The following ALDH1L2 variants were observed in gnomAD, a reference collection of about 807,000 sequenced individuals.
ALDH1L2 encodes the protein mitochondrial 10-formyltetrahydrofolate dehydrogenase.
ALDH1L2 carries 91 observed loss-of-function variants against 111.0 expected under a neutral mutation model. That is an observed-to-expected ratio of 0.82 (90% CI 0.69 to 0.98). The LOEUF (loss-of-function observed/expected upper bound fraction) is 0.98. ALDH1L2 is among the 50% of genes least tolerant of loss of function. ALDH1L2 has a pLI of 0.00. For missense variants in ALDH1L2, 995 were observed against 1,126.8 expected, an observed-to-expected ratio of 0.88 and a Z score of 1.67; for synonymous variants, 374 against 392.6, an observed-to-expected ratio of 0.95 and a Z score of 0.56.
chr12:105,059,199 G>A (rs974683198), intron 9 of ALDH1L2, among the ~76,000 whole-genome samples: 2 of 151,710 alleles, frequency 1.3e-5, no homozygotes, highest in African/African-American at 2.4e-5. Flanking sequence ...CCTGGGAGAC[G>A]GAGGTTGCAG....
At chr12:105,074,587 C>A (rs971965610) in intron 1 of ALDH1L2, among the ~76,000 whole-genome samples, 5 of 151,964 alleles carry the variant, frequency 3.3e-5, no homozygotes, top group Non-Finnish European at 7.3e-5. Flanking sequence ...ACTTTACATT[C>A]TTCCATGTTA....
chr12:105,075,697 A>G (rs1878016062), intron 1 of ALDH1L2, among the ~76,000 whole-genome samples: 1 of 152,248 alleles, frequency 6.6e-6, no homozygotes, highest in Non-Finnish European at 1.5e-5. Flanking sequence ...GTGAGTTTCT[A>G]ACACTGAGAA....
chr12:105,038,307 C>T (rs1334573015), intron 17 of ALDH1L2, 105 bp from the exon 18 acceptor site: 2 of 665,182 alleles, frequency 3.0e-6, no homozygotes, highest in African/African-American at 1.8e-5. Context: ...CACACACACA[C>T]ACACACACAC....
chr12:105,027,747 T>A (rs1592761085), intron 21 of ALDH1L2, among the ~76,000 whole-genome samples: 1 of 152,220 alleles, frequency 6.6e-6, no homozygotes, highest in Admixed American at 6.5e-5. Context: ...AACTATATAG[T>A]GCTGACTTAA....
At position 105,030,408 on chromosome 12, in the gene ALDH1L2, A is replaced by G. The variant is rs1874636864; in HGVS notation, c.2432T>C (p.Val811Ala). The G allele has an allele frequency of 1.2e-6, 2 of 1,609,698 alleles. No homozygotes were observed. Among genetic ancestry groups the G allele is most frequent in the East Asian group, 4.5e-5 (2 of 44,764 alleles). ...QRPGFFMEPT[V>A]FTDVEDYMYL... ...CATGTAGTCTTCCACATCTGTGAAC[A>G]CGGTCGGCTCCATGAAAAAGCCTTT... Residue 811 changes from valine (V) to alanine (A), a missense_variant, in exon 21 of 23, where the codon GTG (valine) becomes GCG (alanine). Coordinates refer to ENST00000258494, the MANE Select transcript of ALDH1L2 (RefSeq NM_001034173.4).
chr12:105,072,090 A>G (rs1338407046), intron 2 of ALDH1L2, among the ~76,000 whole-genome samples: 3 of 150,162 alleles, frequency 2.0e-5, no homozygotes, highest in Middle Eastern at 3.5e-3. Context: ...TTTCTCTAAA[A>G]AAATGTGTTT....
At chr12:105,079,599 C>T (rs183605906) in intron 1 of ALDH1L2, among the ~76,000 whole-genome samples, 3 of 152,024 alleles carry the variant, frequency 2.0e-5, no homozygotes, top group Non-Finnish European at 4.4e-5. Flanking sequence ...CCAAAGGGCT[C>T]GAGTCCAGAA....
intron 15 of ALDH1L2, among the ~76,000 whole-genome samples, chr12:105,042,322 TAGAG>T (rs750398607): frequency 1.2e-4 from 19 of 152,108 alleles, no homozygotes; most frequent in Non-Finnish European, 2.2e-4. Flanking sequence ...TCCTAAAACA[TAGAG>T]AAAGTAATTT....
In ALDH1L2 at chr12:105,050,071, T is replaced by G. The variant is rs1246988440; in HGVS notation, c.1536-13A>C. ...TAGGTCTGCAAGTCTGTGTGGTCAG[T>G]GAAAGAAATAAATTCAACAAGTATT... On this transcript the variant is annotated splice_polypyrimidine_tract_variant and intron_variant, in intron 12 of 22. Transcript: ENST00000258494. 1 of 1,570,002 alleles carries G rather than the reference T, an allele frequency of 6.4e-7. No homozygotes were observed. Among genetic ancestry groups the G allele is most frequent in the South Asian group, 1.2e-5 (1 of 84,590 alleles).
intron 13 of ALDH1L2, chr12:105,047,723 T>C (rs10861325): frequency 0.36 from 55,083 of 152,046 alleles, 10,193 homozygotes; most frequent in South Asian, 0.5. Context: ...CTTTGCCACA[T>C]AAAATATTAT....
At chr12:105,073,817 AG>A (rs749047658) in intron 2 of ALDH1L2, 43 bp downstream of exon 2, 81 of 1,611,352 alleles carry the variant, frequency 5.0e-5, no homozygotes, top group Non-Finnish European at 6.9e-5. Flanking sequence ...AGCATTGGTA[AG>A]GACCTGAGAA....
Position 105,065,320 on chromosome 12 carries a change from A to G in ALDH1L2, c.733T>C (p.Trp245Arg). The G allele has an allele frequency of 6.2e-7, 1 of 1,611,448 alleles. No homozygotes were observed. The highest frequency in any genetic ancestry group is 8.5e-7 in the Non-Finnish European group (1 of 1,178,076). ...WDQSAEVLHN[W>R]IRGHDKVPGA... is the part of the protein sequence containing the mutation. ...GGGACTTTATCATGACCTCGAATCCAGTTATGTAAAACTTCGGCAGACTGG... is the reference window on the plus strand; with the variant it reads ...GGGACTTTATCATGACCTCGAATCCGGTTATGTAAAACTTCGGCAGACTGG... Residue 245 changes from tryptophan (W) to arginine (R), a missense_variant, in exon 6 of 23, where the codon TGG becomes CGG. By Grantham distance (101) the Trp-to-Arg change is moderately radical. Coordinates refer to ENST00000258494, the MANE Select transcript of ALDH1L2 (RefSeq NM_001034173.4).
rs1875126940 is a variant in ALDH1L2 at position 105,036,513 on chromosome 12, TTTATATATATATATATATATA to T, written c.2145+1569_2145+1589del. Among the ~76,000 whole-genome samples, 16 of 53,846 alleles carry T rather than the reference TTTATATATATATATATATATA, an allele frequency of 3.0e-4. 2 individuals carry two copies. Among genetic ancestry groups the T allele is most frequent in the South Asian group, 2.6e-3 (4 of 1,510 alleles). 35.3% of individuals were successfully genotyped at this position (53,846 alleles called of 152,430 possible). ...TATATTTATATATGTATATATATAT[TTTATATATATATATATATATA>T]TATATATATATATATATATATATAT... is the stretch of plus-strand genomic sequence containing the variant. On this transcript the variant is annotated intron_variant, in intron 18 of 22. Coordinates refer to ENST00000258494, the MANE Select transcript of ALDH1L2 (RefSeq NM_001034173.4).
intron 13 of ALDH1L2, among the ~76,000 whole-genome samples, chr12:105,049,416 G>C (rs746382471): frequency 6.6e-6 from 1 of 152,170 alleles, no homozygotes; most frequent in African/African-American, 2.4e-5. Context: ...TAACCATTGC[G>C]AGGGTCTGAA....
intron 1 of ALDH1L2, among the ~76,000 whole-genome samples, chr12:105,081,418 G>T (rs1878331831): frequency 6.6e-6 from 1 of 152,120 alleles, no homozygotes; most frequent in African/African-American, 2.4e-5. Flanking sequence ...CAGGTACTTG[G>T]TTCCAAAGAG....
rs569690468 is a variant in ALDH1L2, at chr12:105,060,622, C to T, written c.1139+359G>A. 29 of 168,422 alleles carry T rather than the reference C, an allele frequency of 1.7e-4. No homozygotes were observed. The South Asian group carries it at 3.9e-3, about 23-fold the overall frequency. 10.4% of individuals were successfully genotyped at this position (168,422 alleles called of 1,614,324 possible). A position where few individuals can be genotyped will look rare whatever the true frequency, so the allele number is the denominator to read the frequency against. On this transcript the variant is annotated intron_variant, in intron 9 of 22. Coordinates refer to ENST00000258494, the MANE Select transcript of ALDH1L2 (RefSeq NM_001034173.4). ...AGCGGATCAGCTGAGGCCAGGAGTT[C>T]GAGACCAGCCTAACCAACATGGAGA...
chr12:105,059,755 G>A (rs1465472559), intron 9 of ALDH1L2, among the ~76,000 whole-genome samples: 1 of 152,214 alleles, frequency 6.6e-6, no homozygotes, highest in African/African-American at 2.4e-5. Flanking sequence ...GTGTTGTTAA[G>A]TAAATGAGTG....
chr12:105,073,960 G>A lies in ALDH1L2; in HGVS notation c.94C>T (p.Leu32Phe). 6.2e-7 allele frequency: 1 copy of A among 1,614,156 alleles called. No homozygotes were observed. The highest frequency in any genetic ancestry group is 8.5e-7 in the Non-Finnish European group (1 of 1,180,028). ...TGGCTATAGACTTCTTGTCCAAAGAGGCTCTGGCCAATTAGTGCCAACTTC... is the reference window on the plus strand; with the variant it reads ...TGGCTATAGACTTCTTGTCCAAAGAAGCTCTGGCCAATTAGTGCCAACTTC... ...KLKLALIGQS[L>F]FGQEVYSHLR... is the part of the protein sequence containing the mutation. Residue 32 changes from leucine to phenylalanine, a missense_variant, in exon 2 of 23, where the codon CTC becomes TTC. By Grantham distance (22) the Leu-to-Phe change is conservative (BLOSUM62 0). Transcript: ENST00000258494.
intron 10 of ALDH1L2, 102 bp downstream of exon 10, chr12:105,057,971 T>G: frequency 7.5e-7 from 1 of 1,331,556 alleles, no homozygotes; most frequent in South Asian, 2.0e-5. Context: ...TGTTGTTTTT[T>G]AAAGGTCATA....
Sources: gnomAD v4.1 joint callset for allele counts (sites outside exome capture counted in the v4.1 genomes callset) on GRCh38, gnomAD v4.1.1 for gene constraint, MANE v1.5 for transcripts, NCBI Gene and HGNC (gene_info 2026-07-23, HGNC 2026-07-21) for gene names.